Variants in ZNF600 observed in about 807,000 individuals in gnomAD.
The protein encoded by ZNF600 is zinc finger protein KR-ZNF1.
A neutral mutation model predicts 7.3 loss-of-function variants in ZNF600; 4 were observed. The ratio of observed to expected loss-of-function variants is 0.55; its 90% confidence interval spans 0.27 to 1.25. ZNF600 has a LOEUF of 1.25. Ranked by LOEUF, ZNF600 falls within the 50% of genes most tolerant of loss-of-function variation. The pLI is 0.12. For missense variants in ZNF600, 911 were observed against 922.1 expected (o/e 0.99, Z 0.16); for synonymous variants, 290 against 308.9 (o/e 0.94, Z 0.64).
exon 4 of ZNF600, chr19:52,766,212 C>G: frequency 6.2e-7 from 1 of 1,613,430 alleles, no homozygotes; most frequent in Non-Finnish European, 8.5e-7. Flanking sequence ...TCTGCGATGG[C>G]TTGCAAGGTA....
chr19:52,778,171 C>A (rs1441813432), intron 2 of ZNF600, among the ~76,000 whole-genome samples: 1 of 151,990 alleles, frequency 6.6e-6, no homozygotes, highest in East Asian at 1.9e-4. Flanking sequence ...GCACCACCAC[C>A]CCAAGCTAAT....
chr19:52,778,948 T>C, intron 1 of ZNF600, 41 bp from the exon 4 acceptor site: 1 of 1,557,904 alleles, frequency 6.4e-7, no homozygotes, highest in Non-Finnish European at 8.7e-7. Flanking sequence ...TAGAAATGAC[T>C]CACTCCCATC....
chr19:52,779,994 T>G (rs981435599), intron 1 of ZNF600, among the ~76,000 whole-genome samples: 10 of 151,870 alleles, frequency 6.6e-5, no homozygotes, highest in African/African-American at 2.4e-4. Flanking sequence ...CCAGCCTGGG[T>G]GACAAAAGGA....
At chr19:52,817,410 T>A in the ZNF600 span, among the ~76,000 whole-genome samples, 8 of 152,216 alleles carry the variant, frequency 5.3e-5, no homozygotes, top group Non-Finnish European at 1.0e-4. Flanking sequence ...ATTAATGTAT[T>A]ATTCATCTAT....
chr19:52,767,764 A>G (rs746193594), exon 4 of ZNF600: 9 of 1,563,654 alleles, frequency 5.8e-6, no homozygotes, highest in Non-Finnish European at 7.8e-6. Flanking sequence ...ATGCGTTTGG[A>G]AGAGATATCT....
At chr19:52,777,023 G>C (rs1336449783) in intron 2 of ZNF600, among the ~76,000 whole-genome samples, 3 of 152,058 alleles carry the variant, frequency 2.0e-5, no homozygotes, top group African/African-American at 7.2e-5. Context: ...AATCAATGAT[G>C]TAAGAAAGCA....
At chr19:52,764,484 T>C (rs1230332991), downstream of ZNF600, 2 of 151,852 alleles carry the variant, frequency 1.3e-5, no homozygotes, top group African/African-American at 4.8e-5. Context: ...AGTGTTGTGA[T>C]TGCAGGGATG....
the ZNF600 span, among the ~76,000 whole-genome samples, chr19:52,816,748 T>G: frequency 6.6e-6 from 1 of 151,744 alleles, no homozygotes; most frequent in Non-Finnish European, 1.5e-5. Context: ...AGAGAATCGC[T>G]TCAACCTGGG....
Position 52,779,444 on chromosome 19 carries a change from G to A in ZNF600, c.-19-537C>T, listed in dbSNP as rs2062703163. On this transcript the variant is annotated intron_variant, in intron 1 of 3. Transcript: ENST00000648973. ...GGGTTGAGCTCCACTCAGAGGGGGC[G>A]AGCCCAGCACAGCCCCACGTTCTGG... 2.0e-5 allele frequency among the ~76,000 whole-genome samples: 3 copies of A among 152,196 alleles called. No homozygotes were observed. The South Asian group carries it at 6.2e-4, about 31-fold the overall frequency.
intron 1 of ZNF600, among the ~76,000 whole-genome samples, chr19:52,784,096 A>G (rs185211786): frequency 2.0e-5 from 3 of 152,260 alleles, no homozygotes; most frequent in African/African-American, 7.2e-5. Context: ...AATAATAATA[A>G]TTAGTAGGTA....
the ZNF600 span, among the ~76,000 whole-genome samples, chr19:52,815,543 GT>G: frequency 6.9e-6 from 1 of 145,680 alleles, no homozygotes; most frequent in Non-Finnish European, 1.5e-5. Context: ...AAAAATAACT[GT>G]CTGGGCGTGG....
chr19:52,822,365 C>T, the ZNF600 span, among the ~76,000 whole-genome samples: 2 of 151,986 alleles, frequency 1.3e-5, no homozygotes, highest in Non-Finnish European at 2.9e-5. Flanking sequence ...AGCCACTGTG[C>T]CTGGCCCAGG....
chr19:52,810,481 C>T, the ZNF600 span: 1 of 1,586,590 alleles, frequency 6.3e-7, no homozygotes, highest in Non-Finnish European at 8.6e-7. Context: ...CTTCCTTGGC[C>T]TTGGATGAGT....
the ZNF600 span, among the ~76,000 whole-genome samples, chr19:52,831,244 CAG>C: frequency 6.6e-6 from 1 of 152,104 alleles, no homozygotes; most frequent in Non-Finnish European, 1.5e-5. Flanking sequence ...TCTGTGGAAA[CAG>C]AGACAGACTG....
chr19:52,829,378 TTTTC>T, the ZNF600 span, among the ~76,000 whole-genome samples: 1 of 119,440 alleles, frequency 8.4e-6, no homozygotes, highest in South Asian at 3.0e-4. Flanking sequence ...CCCCCTATTT[TTTTC>T]TTTATTTTTG....
the ZNF600 span, among the ~76,000 whole-genome samples, chr19:52,813,527 A>C: frequency 2.3e-5 from 3 of 130,802 alleles, 1 homozygote; most frequent in African/African-American, 6.7e-5. Flanking sequence ...GAAGGACACC[A>C]GACTGTTCGG....
chr19:52,810,772 AAAAAACCC>A, the ZNF600 span: 1 of 535,316 alleles, frequency 1.9e-6, no homozygotes, highest in South Asian at 2.2e-5. Flanking sequence ...AAAGAATAAA[AAAAAACCC>A]AAAAAAAACA....
the ZNF600 span, chr19:52,810,065 T>A: frequency 1.3e-6 from 1 of 746,970 alleles, no homozygotes; most frequent in Non-Finnish European, 2.4e-6. Context: ...GCCTGGGAGC[T>A]CCAGGACCTG....
At chr19:52,777,034 T>A (rs1304880505) in intron 2 of ZNF600, among the ~76,000 whole-genome samples, 1 of 152,036 alleles carries the variant, frequency 6.6e-6, no homozygotes, top group Admixed American at 6.6e-5. Flanking sequence ...TAAGAAAGCA[T>A]CCTGTACCAC....
Sources: allele counts gnomAD v4.1 joint callset (sites outside exome capture counted in the v4.1 genomes callset), GRCh38; gene constraint gnomAD v4.1.1; transcripts MANE v1.5; gene names NCBI Gene and HGNC (gene_info 2026-07-23, HGNC 2026-07-21).